The following CENPM variants were observed in gnomAD, a reference collection of about 807,000 sequenced individuals.
The protein encoded by CENPM is interphase centromere complex protein 39.
A neutral mutation model predicts 19.6 loss-of-function variants in CENPM; 14 were observed. The ratio of observed to expected loss-of-function variants is 0.71; its 90% CI spans 0.47 to 1.11. CENPM has a LOEUF of 1.11. Among genes scored for constraint, CENPM ranks in the 50% most tolerant of loss-of-function variants. The pLI is 0.00. For synonymous variants in CENPM, 114 were observed against 101.5 expected, an observed-to-expected ratio of 1.12 and a Z score of -0.74; for missense variants, 239 against 228.4, an observed-to-expected ratio of 1.05 and a Z score of -0.30.
chr22:41,945,217 G>A lies in CENPM; in HGVS notation c.310+8C>T, dbSNP rs756685828. 60 of 1,613,798 alleles carry A rather than the reference G, an allele frequency of 3.7e-5. No homozygotes were observed. Among genetic ancestry groups the A allele is most frequent in the Non-Finnish European group, 4.9e-5 (58 of 1,179,976 alleles). Reference sequence around the variant, plus strand: ...GGGTGGGCAGTAACAGGCGAGGAACGTACTTACCACCTGTGGCGAGGAAAC... The same window carrying A: ...GGGTGGGCAGTAACAGGCGAGGAACATACTTACCACCTGTGGCGAGGAAAC... On this transcript the variant is annotated splice_region_variant and intron_variant, in intron 4 of 5. Transcript: ENST00000215980.
downstream of CENPM, among the ~76,000 whole-genome samples, chr22:41,937,663 A>G (rs2077689471): frequency 6.6e-6 from 1 of 152,214 alleles, no homozygotes; most frequent in African/African-American, 2.4e-5. Context: ...GGGGTCACAC[A>G]GTCCCAGGCA....
intron 5 of CENPM, among the ~76,000 whole-genome samples, chr22:41,941,302 G>A (rs2077736653): frequency 1.3e-5 from 2 of 152,356 alleles, no homozygotes; most frequent in South Asian, 4.1e-4. Context: ...GCATGAAGAA[G>A]GAGGCCAGTT....
Position 41,943,519 on chromosome 22 carries a change from T to G in CENPM, c.402+91A>C, listed in dbSNP as rs1473665066. 5 of 1,127,424 alleles carry G rather than the reference T, an allele frequency of 4.4e-6. No homozygotes were observed. In the African/African-American group the frequency reaches 6.2e-5, roughly 14 times the overall value. 69.8% of individuals were successfully genotyped at this position (1,127,424 alleles called of 1,614,324 possible). A position where few individuals can be genotyped will look rare whatever the true frequency, so the allele number is the denominator to read the frequency against. On this transcript the variant is annotated intron_variant, in intron 5 of 5. Coordinates refer to ENST00000215980, the MANE Select transcript of CENPM (RefSeq NM_024053.5). The stretch of plus-strand genomic sequence containing the variant: ...CTGCCTCGCTCGGATACTAAGTCCT[T>G]CGATAAGCATTCCCAATGTGCCCAC...
At chr22:41,943,521 G>C (rs10483213) in intron 5 of CENPM, 89 bp downstream of exon 5, 11 of 1,141,380 alleles carry the variant, frequency 9.6e-6, no homozygotes, top group Non-Finnish European at 1.4e-5. Context: ...TAAGTCCTTC[G>C]ATAAGCATTC....
intron 2 of CENPM, 110 bp from the exon 3 acceptor site, chr22:41,946,115 C>T: frequency 2.1e-6 from 2 of 948,674 alleles, no homozygotes; most frequent in South Asian, 1.4e-5. Context: ...CCCACCTCAT[C>T]CTAGCCACCC....
chr22:41,936,806 T>C (rs2077685842), downstream of CENPM, among the ~76,000 whole-genome samples: 1 of 152,132 alleles, frequency 6.6e-6, no homozygotes, highest in Admixed American at 6.5e-5. Context: ...CGTGCACCTG[T>C]AATCTCAGCT....
At chr22:41,933,356 AGGGGGTGGGGGT>A in the CENPM span, among the ~76,000 whole-genome samples, 2 of 27,242 alleles carry the variant, frequency 7.3e-5, no homozygotes, top group Non-Finnish European at 1.6e-4. Context: ...CGGCAGGGAG[AGGGGGTGGGGGT>A]GGGGGTGAGG....
In CENPM at chr22:41,946,849, C is replaced by T. The variant is rs757427934; in HGVS notation, c.57+171G>A. 337 of 656,172 alleles carry T rather than the reference C, an allele frequency of 5.1e-4. 1 individual carries two copies. Among genetic ancestry groups the T allele is most frequent in the Non-Finnish European group, 7.0e-4 (257 of 368,848 alleles). The allele number at this position is 656,172 out of a possible 1,614,324, so 40.6% of individuals were successfully genotyped here. On this transcript the variant is annotated intron_variant, in intron 1 of 5. Transcript: ENST00000215980. ...CCTATTGGTGGGTGCGTCCCTCAAC[C>T]TCAGAGAGCGGCTACTCCAATTGGT...
At chr22:41,940,386 CT>C in intron 5 of CENPM, among the ~76,000 whole-genome samples, 1 of 152,078 alleles carries the variant, frequency 6.6e-6, no homozygotes, top group African/African-American at 2.4e-5. Context: ...AAAGCTGGGG[CT>C]TTTTTTGTTT....
At chr22:41,927,908 A>G in the CENPM span, among the ~76,000 whole-genome samples, 2 of 152,162 alleles carry the variant, frequency 1.3e-5, no homozygotes, top group African/African-American at 4.8e-5. Flanking sequence ...GCACCAGCTC[A>G]CGTCATCCTG....
chr22:41,937,777 A>G (rs1480619414), downstream of CENPM, among the ~76,000 whole-genome samples: 2 of 152,176 alleles, frequency 1.3e-5, no homozygotes, highest in East Asian at 1.9e-4. Flanking sequence ...ACCAGGTTCT[A>G]TAATAGCAGG....
At position 41,946,427 on chromosome 22, in the gene CENPM, C is replaced by A. The variant is rs1297496566; in HGVS notation, c.127G>T (p.Glu43Ter). ...DSMLKEDCASELKVHLAKSLP... is the reference protein window; with the variant it reads ...DSMLKEDCAS ...GCCGCGGCTACTTACACCTTCAGCT[C>A]GGAGGCGCAGTCCTCTTTGAGCATC... Residue 43 changes from glutamate (E) to a stop codon, truncating the protein, a stop_gained, in exon 2 of 6, where the codon GAG becomes TAG. Transcript: ENST00000215980. LOFTEE classifies it high-confidence loss of function. The A allele has an allele frequency of 6.2e-7, 1 of 1,612,948 alleles. No individual in the cohort carries two copies. Among genetic ancestry groups the A allele is most frequent in the Non-Finnish European group, 8.5e-7 (1 of 1,179,902 alleles).
rs564653995 is a variant in CENPM, at chr22:41,946,973, G to C, written c.57+47C>G. On this transcript the variant is annotated intron_variant, in intron 1 of 5. Transcript: ENST00000215980. Reference sequence around the variant, plus strand: ...CAGTTGACCTAGTGGCTGAAGCACCGCCCAGGAGGAAAAACCGGCGGGGGA... The same window carrying C: ...CAGTTGACCTAGTGGCTGAAGCACCCCCCAGGAGGAAAAACCGGCGGGGGA... 5 of 1,597,144 alleles carry C rather than the reference G, an allele frequency of 3.1e-6. No individual in the cohort carries two copies. The East Asian group carries it at 8.9e-5, about 29-fold the overall frequency.
Position 41,943,660 on chromosome 22 carries a change from C to A in CENPM, c.352G>T (p.Val118Leu), listed in dbSNP as rs370619926. 1 of 1,613,814 alleles carries A rather than the reference C, an allele frequency of 6.2e-7. No individual in the cohort carries two copies. Among genetic ancestry groups the A allele is most frequent in the East Asian group, 2.2e-5 (1 of 44,882 alleles). ...CTTTGATAGGTGTGGGCCAGCTTCA[C>A]CACGGTGTGCCGGTGAATGCTGCAG... The part of the protein sequence containing the change: ...SHCSIHRHTV[V>L]KLAHTYQSPL... Residue 118 changes from valine to leucine, a missense_variant, in exon 5 of 6, where the codon GTG becomes TTG. Coordinates refer to ENST00000215980, the MANE Select transcript of CENPM (RefSeq NM_024053.5).
chr22:41,929,846 TG>T, the CENPM span, among the ~76,000 whole-genome samples: 2 of 151,804 alleles, frequency 1.3e-5, no homozygotes, highest in Non-Finnish European at 2.9e-5. Flanking sequence ...TGTCGCTACT[TG>T]GATGACAAAA....
chr22:41,945,978 G>A lies in CENPM; in HGVS notation c.165C>T (p.Pro55=), dbSNP rs2077796217. 1 of 1,613,962 alleles carries A rather than the reference G, an allele frequency of 6.2e-7. No individual in the cohort carries two copies. Among genetic ancestry groups the A allele is most frequent in the Non-Finnish European group, 8.5e-7 (1 of 1,179,960 alleles). The part of the protein sequence containing the change: ...KVHLAKSLPL[P]SSVNRPRIDL... ...CAATTCGGGGCCGATTCACACTGGA[G>A]GGCAAAGGGAGGGACTTTGCCAAGT... Residue 55 remains proline (P), a synonymous_variant, in exon 3 of 6, where the codon CCC becomes CCT. Transcript: ENST00000215980.
chr22:41,946,551 A>G, intron 1 of CENPM, 55 bp from the exon 2 acceptor site: 1 of 1,487,598 alleles, frequency 6.7e-7, no homozygotes, highest in Non-Finnish European at 9.3e-7. Context: ...CCCCCTGGGG[A>G]GGGCCTGGCC....
intron 2 of CENPM, chr22:41,946,209 C>A: frequency 1.5e-6 from 1 of 650,010 alleles, no homozygotes; most frequent in Non-Finnish European, 2.7e-6. Flanking sequence ...GTCTGATTCC[C>A]TCTGCCAGAA....
chr22:41,943,784 T>G, intron 4 of CENPM, 83 bp from the exon 5 acceptor site: 1 of 1,222,164 alleles, frequency 8.2e-7, no homozygotes, highest in Non-Finnish European at 1.2e-6. Context: ...AGTCACTCAC[T>G]TCCCCACTCT....
Sources: gnomAD v4.1 joint callset for allele counts (sites outside exome capture counted in the v4.1 genomes callset) on GRCh38, gnomAD v4.1.1 for gene constraint, MANE v1.5 for transcripts, NCBI Gene and HGNC (gene_info 2026-07-23, HGNC 2026-07-21) for gene names.